The following DDAH1 variants were observed in gnomAD, a reference collection of about 807,000 sequenced individuals.
DDAH1 encodes the protein dimethylarginine dimethylaminohydrolase 1.
A neutral mutation model predicts 28.8 loss-of-function variants in DDAH1; 19 were observed. The observed-to-expected ratio is 0.66, with a 90% CI of 0.46 to 0.97. DDAH1 has a LOEUF of 0.97. Ranked by LOEUF, DDAH1 falls within the 50% of genes least tolerant of loss-of-function variation. The probability of loss-of-function intolerance (pLI) is 0.00; values close to 1 mark genes in which losing one functional copy is unlikely to be tolerated. For missense variants in DDAH1, 326 were observed against 375.9 expected, an observed-to-expected ratio of 0.87 and a Z score of 1.10; for synonymous variants, 153 against 154.4, an observed-to-expected ratio of 0.99 and a Z score of 0.07.
intron 1 of DDAH1, among the ~76,000 whole-genome samples, chr1:85,394,056 T>G (rs1445362288): frequency 6.6e-6 from 1 of 152,150 alleles, no homozygotes; most frequent in Non-Finnish European, 1.5e-5. Context: ...AAAAAGTAAG[T>G]GACAAAATAT....
At chr1:85,493,690 G>C (rs1301156139) in intron 2 of DDAH1, 1 of 152,138 alleles carries the variant, frequency 6.6e-6, no homozygotes, top group Non-Finnish European at 1.5e-5. Context: ...CATGGTTATT[G>C]ACTAGAATTT....
intron 2 of DDAH1, among the ~76,000 whole-genome samples, chr1:85,352,352 G>GA (rs1649263162): frequency 6.6e-6 from 1 of 152,130 alleles, no homozygotes; most frequent in Non-Finnish European, 1.5e-5. Context: ...TTCCAGGATA[G>GA]CCTCCAGCCA....
intron 1 of DDAH1, among the ~76,000 whole-genome samples, chr1:85,454,605 G>T (rs774263044): frequency 1.3e-5 from 2 of 152,080 alleles, no homozygotes; most frequent in African/African-American, 2.4e-5. Context: ...TACCTAATCA[G>T]TATACACAAA....
At chr1:85,512,956 CATCGAGCTACCAATGACTTTCTTCACAG>C (rs1374951817) in intron 1 of DDAH1, among the ~76,000 whole-genome samples, 1 of 152,186 alleles carries the variant, frequency 6.6e-6, no homozygotes, top group African/African-American at 2.4e-5. Context: ...ATGCCATCCC[CATCGAGCTACCAATGACTTTCTTCACAG>C]AATTGGAAAA....
chr1:85,399,043 T>C (rs1189814835), intron 1 of DDAH1: 10 of 152,208 alleles, frequency 6.6e-5, no homozygotes, highest in Admixed American at 3.9e-4. Context: ...ACCGACTAAA[T>C]GAATAGGGAG....
chr1:85,430,512 C>G (rs555419992), intron 1 of DDAH1, among the ~76,000 whole-genome samples: 7 of 152,046 alleles, frequency 4.6e-5, no homozygotes. Flanking sequence ...TTGACGATAT[C>G]GATTCTTCCT....
At chr1:85,365,489 A>G (rs1650026060) in intron 1 of DDAH1, among the ~76,000 whole-genome samples, 1 of 152,198 alleles carries the variant, frequency 6.6e-6, no homozygotes, top group Non-Finnish European at 1.5e-5. Flanking sequence ...TAAGGCTAAT[A>G]AATTTTGGGA....
intron 1 of DDAH1, among the ~76,000 whole-genome samples, chr1:85,569,309 G>A (rs1317479615): frequency 6.6e-6 from 1 of 152,158 alleles, no homozygotes; most frequent in African/African-American, 2.4e-5. Flanking sequence ...TTCCCATGAT[G>A]TTCTGGAGGA....
chr1:85,537,805 T>C (rs558283798), intron 1 of DDAH1, among the ~76,000 whole-genome samples: 2 of 151,484 alleles, frequency 1.3e-5, no homozygotes, highest in South Asian at 4.2e-4. Context: ...TTTTAATTGT[T>C]CTCATTTACA....
chr1:85,568,296 G>A (rs1445518738), intron 1 of DDAH1, among the ~76,000 whole-genome samples: 1 of 152,002 alleles, frequency 6.6e-6, no homozygotes, highest in African/African-American at 2.4e-5. Flanking sequence ...AGCAAACAAA[G>A]GAAAGGAAAT....
intron 1 of DDAH1, among the ~76,000 whole-genome samples, chr1:85,462,959 T>G (rs982269714): frequency 6.6e-6 from 1 of 152,268 alleles, no homozygotes; most frequent in African/African-American, 2.4e-5. Context: ...TCAAATGTCC[T>G]GTCCTGTGAA....
intron 4 of DDAH1, among the ~76,000 whole-genome samples, chr1:85,335,160 C>A (rs1648027794): frequency 6.6e-6 from 1 of 152,090 alleles, no homozygotes; most frequent in Admixed American, 6.5e-5. Flanking sequence ...GTTACCACTA[C>A]AGAAAACCAC....
intron 1 of DDAH1, among the ~76,000 whole-genome samples, chr1:85,420,114 C>T (rs886690280): frequency 3.9e-5 from 6 of 152,070 alleles, no homozygotes; most frequent in Non-Finnish European, 8.8e-5. Flanking sequence ...GGAGCAGTGT[C>T]CCGAGGCTGT....
intron 1 of DDAH1, among the ~76,000 whole-genome samples, chr1:85,577,699 G>C (rs1362708631): frequency 6.6e-6 from 1 of 152,032 alleles, no homozygotes; most frequent in South Asian, 2.1e-4. Context: ...TAGGAAACTG[G>C]AGTCGCCAGA....
intron 4 of DDAH1, among the ~76,000 whole-genome samples, chr1:85,344,533 C>A (rs1157723742): frequency 2.6e-5 from 4 of 151,982 alleles, no homozygotes; most frequent in African/African-American, 4.8e-5. Context: ...AAAGGTACCA[C>A]CTCCCCTGAC....
At chr1:85,506,821 G>A (rs527902424) in intron 1 of DDAH1, among the ~76,000 whole-genome samples, 3 of 152,328 alleles carry the variant, frequency 2.0e-5, no homozygotes, top group South Asian at 2.1e-4. Flanking sequence ...TTTTAGGAAG[G>A]TGCCTCGGAT....
chr1:85,465,160 G>T, upstream of DDAH1: 1 of 1,152,288 alleles, frequency 8.7e-7, no homozygotes. Flanking sequence ...CGCTGAATGT[G>T]GTGCAGAAGG....
chr1:85,343,534 TAGTA>T (rs780202993), intron 4 of DDAH1, among the ~76,000 whole-genome samples: 52 of 152,376 alleles, frequency 3.4e-4, no homozygotes, highest in Non-Finnish European at 5.7e-4. Flanking sequence ...AACAGCCAGA[TAGTA>T]AGACAAAATT....
chr1:85,433,281 G>A (rs12034206), intron 1 of DDAH1, among the ~76,000 whole-genome samples: 2,632 of 152,204 alleles, frequency 0.017, 72 homozygotes, highest in East Asian at 0.12. Context: ...CCTAGGAAGA[G>A]GGCAGCAGAG....
Sources: gnomAD v4.1 joint callset for allele counts (sites outside exome capture counted in the v4.1 genomes callset) on GRCh38, gnomAD v4.1.1 for gene constraint, MANE v1.5 for transcripts, NCBI Gene and HGNC (gene_info 2026-07-23, HGNC 2026-07-21) for gene names.